PIK3C2G: variants seen among roughly 807,000 people sequenced by gnomAD.
PIK3C2G encodes the protein phosphatidylinositol 3-kinase C2 domain-containing subunit gamma.
Under a neutral mutation model 181.1 loss-of-function variants are expected in PIK3C2G, and 168 were observed. That is an observed-to-expected ratio of 0.93 (90% CI 0.82 to 1.05). The LOEUF is 1.05. Among genes scored for constraint, PIK3C2G ranks in the 50% least tolerant of loss-of-function variants. PIK3C2G has a pLI of 0.00. For synonymous variants in PIK3C2G, 573 were observed against 592.2 expected (o/e 0.97, Z 0.47); for missense variants, 1,869 against 1,732.8 (o/e 1.08, Z -1.40).
intron 18 of PIK3C2G, among the ~76,000 whole-genome samples, chr12:18,477,194 C>T (rs10734678): frequency 0.42 from 63,236 of 151,894 alleles, 13,853 homozygotes; most frequent in East Asian, 0.59. Context: ...AATTACCTTC[C>T]TAAAGGCCCT....
chr12:18,673,871 A>T, the PIK3C2G span, among the ~76,000 whole-genome samples: 4 of 152,304 alleles, frequency 2.6e-5, no homozygotes, highest in African/African-American at 9.6e-5. Flanking sequence ...TCTTTGCCAC[A>T]TGGACCTCTT....
chr12:18,521,648 A>C (rs1942925686), intron 24 of PIK3C2G, among the ~76,000 whole-genome samples: 1 of 152,058 alleles, frequency 6.6e-6, no homozygotes, highest in Admixed American at 6.5e-5. Flanking sequence ...TGCAGCCTGG[A>C]GCTATAGAGA....
chr12:18,569,329 C>T (rs1945803870), intron 29 of PIK3C2G, among the ~76,000 whole-genome samples: 1 of 149,260 alleles, frequency 6.7e-6, no homozygotes, highest in South Asian at 2.1e-4. Flanking sequence ...CCCCAACCAC[C>T]AAATGATCAC....
chr12:18,431,929 A>G (rs188301857), intron 18 of PIK3C2G, among the ~76,000 whole-genome samples: 1 of 152,186 alleles, frequency 6.6e-6, no homozygotes. Context: ...ACTGTTCTCT[A>G]TCCCAACCAA....
At chr12:18,553,354 C>G (rs751438391) in intron 26 of PIK3C2G, among the ~76,000 whole-genome samples, 3 of 152,078 alleles carry the variant, frequency 2.0e-5, no homozygotes, top group Non-Finnish European at 4.4e-5. Flanking sequence ...ATTTCACTGG[C>G]ATATCACTTT....
intron 13 of PIK3C2G, among the ~76,000 whole-genome samples, chr12:18,378,488 A>C (rs754666101): frequency 3.3e-5 from 5 of 152,222 alleles, no homozygotes; most frequent in Non-Finnish European, 7.3e-5. Flanking sequence ...CACCAAAAGC[A>C]ATGGCAACAA....
At chr12:18,445,335 A>G (rs1046458893) in intron 18 of PIK3C2G, among the ~76,000 whole-genome samples, 15 of 152,074 alleles carry the variant, frequency 9.9e-5, no homozygotes, top group African/African-American at 3.4e-4. Flanking sequence ...TATACTGTGT[A>G]TGGTTCTTAA....
chr12:18,475,608 T>A (rs1232251681), intron 18 of PIK3C2G, among the ~76,000 whole-genome samples: 1 of 152,090 alleles, frequency 6.6e-6, no homozygotes, highest in Admixed American at 6.6e-5. Flanking sequence ...CCACCAAATT[T>A]TTCCCCATGA....
intron 24 of PIK3C2G, among the ~76,000 whole-genome samples, chr12:18,513,406 A>C (rs1942337379): frequency 6.6e-6 from 1 of 151,330 alleles, no homozygotes; most frequent in Non-Finnish European, 1.5e-5. Flanking sequence ...AGAATTCAGG[A>C]GTAAAGCTGT....
At chr12:18,537,173 A>G (rs1475475831) in intron 24 of PIK3C2G, among the ~76,000 whole-genome samples, 2 of 152,102 alleles carry the variant, frequency 1.3e-5, no homozygotes, top group South Asian at 4.1e-4. Context: ...TTTTCACTCC[A>G]TTGTATTTTT....
At chr12:18,452,525 T>C (rs547104389) in intron 18 of PIK3C2G, among the ~76,000 whole-genome samples, 1 of 152,248 alleles carries the variant, frequency 6.6e-6, no homozygotes, top group South Asian at 2.1e-4. Context: ...AGCTTCTAGA[T>C]TCATTGATTT....
At chr12:18,393,244 A>C (rs1340989338) in intron 15 of PIK3C2G, among the ~76,000 whole-genome samples, 2 of 151,688 alleles carry the variant, frequency 1.3e-5, no homozygotes, top group Non-Finnish European at 2.9e-5. Flanking sequence ...ACACTCATAA[A>C]ATAAGCAACA....
chr12:18,515,009 G>T (rs957532863), intron 24 of PIK3C2G, among the ~76,000 whole-genome samples: 1 of 151,848 alleles, frequency 6.6e-6, no homozygotes, highest in Non-Finnish European at 1.5e-5. Flanking sequence ...TATGATTTGT[G>T]TCCTTGATTC....
At chr12:18,701,966 T>A in the PIK3C2G span, among the ~76,000 whole-genome samples, 4 of 152,158 alleles carry the variant, frequency 2.6e-5, no homozygotes, top group Non-Finnish European at 5.9e-5. Context: ...TGCTATTGAT[T>A]GTAATTCACC....
At chr12:18,620,875 G>A (rs12825580) in intron 31 of PIK3C2G, among the ~76,000 whole-genome samples, 32,766 of 151,746 alleles carry the variant, frequency 0.22, 3,568 homozygotes, top group African/African-American at 0.27. Context: ...ACACGTTCAC[G>A]TTGCATACCT....
At chr12:18,370,230 C>T (rs941258563) in intron 12 of PIK3C2G, among the ~76,000 whole-genome samples, 1 of 152,174 alleles carries the variant, frequency 6.6e-6, no homozygotes, top group Non-Finnish European at 1.5e-5. Context: ...ATGCCACCTA[C>T]GTATACCCCA....
intron 11 of PIK3C2G, among the ~76,000 whole-genome samples, chr12:18,359,981 T>C (rs906697430): frequency 7.2e-5 from 11 of 152,152 alleles, no homozygotes; most frequent in Non-Finnish European, 1.6e-4. Context: ...TAATTAATAG[T>C]AAAGGACTTA....
chr12:18,332,333 A>C (rs1022404983), intron 8 of PIK3C2G, among the ~76,000 whole-genome samples: 1 of 151,926 alleles, frequency 6.6e-6, no homozygotes, highest in East Asian at 1.9e-4. Flanking sequence ...CTTATTTATT[A>C]CTCAATGCTA....
intron 18 of PIK3C2G, among the ~76,000 whole-genome samples, chr12:18,439,770 G>A (rs779847180): frequency 4.6e-5 from 7 of 151,792 alleles, no homozygotes; most frequent in East Asian, 3.9e-4. Context: ...TCCATACCAC[G>A]TCATTCTCCA....
Sources: allele counts gnomAD v4.1 joint callset (sites outside exome capture counted in the v4.1 genomes callset), GRCh38; gene constraint gnomAD v4.1.1; transcripts MANE v1.5; gene names NCBI Gene and HGNC (gene_info 2026-07-23, HGNC 2026-07-21).